Variants in DRC8 observed in about 807,000 individuals in gnomAD.
The protein encoded by DRC8 is dynein regulatory complex subunit 8, also known as dynein regulatory complex protein 8.
At chr1:245,056,505 G>T in the DRC8 span, among the ~76,000 whole-genome samples, 1 of 152,142 alleles carries the variant, frequency 6.6e-6, no homozygotes, top group African/African-American at 2.4e-5. Context: ...CTCCTTATCT[G>T]CTCTCTTCTC....
the DRC8 span, among the ~76,000 whole-genome samples, chr1:245,062,173 A>T: frequency 1.3e-5 from 2 of 152,174 alleles, no homozygotes; most frequent in African/African-American, 2.4e-5. Flanking sequence ...TCTGGTTGTC[A>T]TGTACTTGAA....
the DRC8 span, among the ~76,000 whole-genome samples, chr1:245,114,546 C>T: frequency 1.3e-5 from 2 of 152,070 alleles, no homozygotes; most frequent in Non-Finnish European, 2.9e-5. Flanking sequence ...CCATGCAAAG[C>T]CAAGTGGTTG....
chr1:244,973,336 A>T, the DRC8 span, among the ~76,000 whole-genome samples: 2 of 152,232 alleles, frequency 1.3e-5, no homozygotes, highest in African/African-American at 2.4e-5. Context: ...GATAATTTTG[A>T]AGGATGTGTT....
At chr1:245,026,367 T>A in the DRC8 span, among the ~76,000 whole-genome samples, 14 of 152,230 alleles carry the variant, frequency 9.2e-5, no homozygotes, top group Non-Finnish European at 1.6e-4. Context: ...GCACTGGAGG[T>A]ACCATAAATA....
At chr1:244,970,476 C>T in the DRC8 span, 11 of 1,522,942 alleles carry the variant, frequency 7.2e-6, no homozygotes, top group Non-Finnish European at 9.6e-6. Flanking sequence ...CCGCTGCCCT[C>T]GCCGCCCGCC....
chr1:245,118,334 C>T, the DRC8 span, among the ~76,000 whole-genome samples: 1 of 152,196 alleles, frequency 6.6e-6, no homozygotes, highest in Non-Finnish European at 1.5e-5. Context: ...GTGCGCTGGG[C>T]TTGGCTGGGG....
the DRC8 span, chr1:245,083,548 T>C: frequency 2.5e-6 from 4 of 1,582,246 alleles, no homozygotes; most frequent in Admixed American, 3.6e-5. Flanking sequence ...CATACACACA[T>C]ATATGAAAAA....
chr1:245,040,759 T>C, the DRC8 span, among the ~76,000 whole-genome samples: 3 of 152,152 alleles, frequency 2.0e-5, no homozygotes, highest in Non-Finnish European at 2.9e-5. Flanking sequence ...CTGGCCAACA[T>C]AGTGAGGCCC....
chr1:245,005,590 G>C, the DRC8 span, among the ~76,000 whole-genome samples: 3 of 152,078 alleles, frequency 2.0e-5, no homozygotes, highest in Non-Finnish European at 4.4e-5. Flanking sequence ...TGATCTGCCT[G>C]CCTCGGCCTC....
chr1:245,036,643 G>T, the DRC8 span, among the ~76,000 whole-genome samples: 1 of 152,190 alleles, frequency 6.6e-6, no homozygotes, highest in Non-Finnish European at 1.5e-5. Flanking sequence ...TTATAAAATA[G>T]AATATTGTTC....
chr1:245,108,220 T>G, the DRC8 span, among the ~76,000 whole-genome samples: 1 of 152,132 alleles, frequency 6.6e-6, no homozygotes, highest in Non-Finnish European at 1.5e-5. Flanking sequence ...TGCCCCTCCC[T>G]TCCATTTCCC....
At chr1:245,114,872 C>T in the DRC8 span, among the ~76,000 whole-genome samples, 6 of 151,858 alleles carry the variant, frequency 4.0e-5, no homozygotes. Context: ...ACTAGAGGCA[C>T]ATGCCACCAT....
chr1:245,009,654 A>G, the DRC8 span, among the ~76,000 whole-genome samples: 1 of 150,856 alleles, frequency 6.6e-6, no homozygotes, highest in African/African-American at 2.4e-5. Flanking sequence ...CATTTAGTAG[A>G]GATGGGGTTT....
At chr1:245,079,417 G>A in the DRC8 span, among the ~76,000 whole-genome samples, 53 of 152,116 alleles carry the variant, frequency 3.5e-4, no homozygotes, top group East Asian at 1.5e-3. Context: ...ACTTATTTTC[G>A]TATAATTTTG....
the DRC8 span, among the ~76,000 whole-genome samples, chr1:245,067,225 C>T: frequency 6.6e-6 from 1 of 152,076 alleles, no homozygotes; most frequent in African/African-American, 2.4e-5. Flanking sequence ...CTCCCAGGTT[C>T]AAGTGATTCT....
chr1:245,087,637 G>A, the DRC8 span: 1 of 1,053,780 alleles, frequency 9.5e-7, no homozygotes, highest in Non-Finnish European at 1.1e-6. Flanking sequence ...ATAAAACTCA[G>A]GTCACCTTCG....
chr1:245,046,392 T>G, the DRC8 span, among the ~76,000 whole-genome samples: 5,270 of 152,218 alleles, frequency 0.035, 316 homozygotes, highest in African/African-American at 0.12. Context: ...TCCTTCTCGC[T>G]GTCTCTTTTA....
chr1:245,033,489 C>G, the DRC8 span, among the ~76,000 whole-genome samples: 26 of 152,294 alleles, frequency 1.7e-4, no homozygotes, highest in African/African-American at 5.8e-4. Context: ...CCACTAAAAC[C>G]CCTGGCTAAG....
At chr1:245,057,339 C>T in the DRC8 span, among the ~76,000 whole-genome samples, 692 of 152,206 alleles carry the variant, frequency 4.5e-3, 1 homozygote, top group African/African-American at 0.015. Flanking sequence ...CAATTTTGCA[C>T]GAGCCTAATA....
Sources: gnomAD v4.1 joint callset for allele counts (sites outside exome capture counted in the v4.1 genomes callset) on GRCh38, gnomAD v4.1.1 for gene constraint, MANE v1.5 for transcripts, NCBI Gene and HGNC (gene_info 2026-07-23, HGNC 2026-07-21) for gene names.